Variants in L3MBTL1 observed in about 807,000 individuals in gnomAD.
The protein encoded by L3MBTL1 is lethal(3)malignant brain tumor-like protein 1.
L3MBTL1 carries 75 observed loss-of-function variants against 105.3 expected under a neutral mutation model. The observed-to-expected ratio is 0.71, with a 90% CI of 0.59 to 0.86. The LOEUF (loss-of-function observed/expected upper bound fraction) is 0.86, where lower values mean the gene tolerates loss of function less well. Ranked by LOEUF, L3MBTL1 falls within the 40% of genes least tolerant of loss-of-function variation. The pLI is 0.00. For missense variants in L3MBTL1, 1,069 were observed against 1,126.4 expected (o/e 0.95, Z 0.73); for synonymous variants, 452 against 436.2 (o/e 1.04, Z -0.45).
intron 7 of L3MBTL1, 120 bp downstream of exon 7, chr20:43,516,297 G>T: frequency 1.4e-6 from 1 of 721,884 alleles, no homozygotes; most frequent in South Asian, 1.6e-5. Flanking sequence ...ATGAGCATGA[G>T]TTAGTGTGTG....
chr20:43,540,984 T>G lies in L3MBTL1; in HGVS notation c.2445T>G (p.Thr815=), dbSNP rs369320913. 1.4e-5 allele frequency: 23 copies of G among 1,614,062 alleles called. No individual in the cohort carries two copies. The Middle Eastern group carries it at 6.6e-4, about 46-fold the overall frequency. The part of the protein sequence containing the change: ...THVSGKTLVW[T]VAQLGDLVCS... ...TATCTGGGAAGACTCTAGTCTGGAC[T>G]GTGGCCCAGCTTGGGGACCTTGTGT... The change falls in exon 22 of 22, where the codon ACT becomes ACG. Residue 815 remains threonine (T), a synonymous_variant. Transcript: ENST00000418998.
chr20:43,528,534 G>A lies in L3MBTL1; in HGVS notation c.863-123G>A, dbSNP rs2019150838. 3 of 709,458 alleles carry A rather than the reference G, an allele frequency of 4.2e-6. No homozygotes were observed. In the Admixed American group the frequency reaches 6.2e-5, roughly 15 times the overall value. 43.9% of individuals were successfully genotyped at this position (709,458 alleles called of 1,614,324 possible). ...CCATCATGGTGGGTGGGACCAGAGGGTACATGTGAACACAGACAAAGATTT... is the reference window on the plus strand; with the variant it reads ...CCATCATGGTGGGTGGGACCAGAGGATACATGTGAACACAGACAAAGATTT... On this transcript the variant is annotated intron_variant, in intron 7 of 21. Transcript: ENST00000418998.
chr20:43,549,748 G>C (rs1394574143), exon 19 of L3MBTL1: 1 of 152,374 alleles, frequency 6.6e-6, no homozygotes, highest in East Asian at 1.9e-4. Context: ...GTGTGTGTGT[G>C]TGTGTGGCAC....
intron 7 of L3MBTL1, among the ~76,000 whole-genome samples, chr20:43,526,524 T>C (rs572212034): frequency 1.3e-5 from 2 of 152,304 alleles, no homozygotes; most frequent in South Asian, 2.1e-4. Flanking sequence ...GAGCTCTAGA[T>C]TGGTTTCCGC....
intron 7 of L3MBTL1, among the ~76,000 whole-genome samples, chr20:43,517,697 C>G (rs1337398834): frequency 2.0e-5 from 3 of 152,234 alleles, no homozygotes; most frequent in Middle Eastern, 3.2e-3. Flanking sequence ...GATGGTTTCT[C>G]TTGGACTATG....
At chr20:43,514,960 G>A (rs576933809) in intron 4 of L3MBTL1, 49 bp from the exon 5 acceptor site, 8 of 1,597,802 alleles carry the variant, frequency 5.0e-6, no homozygotes, top group South Asian at 4.5e-5. Flanking sequence ...CGGAGCCTGA[G>A]TGTGGCTGCG....
chr20:43,534,775 C>A, intron 15 of L3MBTL1, 53 bp from the exon 16 acceptor site: 1 of 1,358,950 alleles, frequency 7.4e-7, no homozygotes, highest in Non-Finnish European at 1.0e-6. Flanking sequence ...GACCTTCTGG[C>A]TGAGCTGGGC....
chr20:43,540,116 T>C (rs375203951), intron 19 of L3MBTL1, 35 bp from the exon 20 acceptor site: 269 of 1,606,230 alleles, frequency 1.7e-4, no homozygotes, highest in Non-Finnish European at 2.2e-4. Flanking sequence ...TTAGTCATCC[T>C]CGTTGGCCTG....
intron 11 of L3MBTL1, chr20:43,532,557 T>C (rs931193008): frequency 2.9e-5 from 15 of 523,110 alleles, no homozygotes; most frequent in Non-Finnish European, 3.4e-5. Flanking sequence ...GCCAGGCCTC[T>C]GAGTGCACCT....
rs190929877 is a variant in L3MBTL1 at position 43,538,594 on chromosome 20, C to T, written c.2174-1557C>T. Among the ~76,000 whole-genome samples, 455 of 152,232 alleles carry T rather than the reference C, an allele frequency of 3.0e-3. 2 individuals are homozygous for T. Among genetic ancestry groups the T allele is most frequent in the Non-Finnish European group, 5.4e-3 (367 of 68,006 alleles). ...GTGAACAATTCCATAGGAAGATCTGCCCGGAGAGGACAGGGCTTGGCTGGG... is the reference window on the plus strand; with the variant it reads ...GTGAACAATTCCATAGGAAGATCTGTCCGGAGAGGACAGGGCTTGGCTGGG... On this transcript the variant is annotated intron_variant, in intron 19 of 21. Coordinates refer to ENST00000418998, the MANE Select transcript of L3MBTL1 (RefSeq NM_001377303.1).
downstream of L3MBTL1, among the ~76,000 whole-genome samples, chr20:43,542,371 C>T (rs1005556822): frequency 1.3e-4 from 20 of 152,304 alleles, no homozygotes; most frequent in Admixed American, 8.5e-4. Context: ...GTGATCTTCT[C>T]TTCATGTACG....
intron 1 of L3MBTL1, among the ~76,000 whole-genome samples, chr20:43,512,120 T>C (rs1429290224): frequency 2.0e-5 from 3 of 152,148 alleles, no homozygotes; most frequent in African/African-American, 7.2e-5. Flanking sequence ...TTATGTGATT[T>C]GGTTTATGTT....
At chr20:43,538,736 G>A (rs534146678) in intron 19 of L3MBTL1, among the ~76,000 whole-genome samples, 2 of 152,212 alleles carry the variant, frequency 1.3e-5, no homozygotes, top group Non-Finnish European at 2.9e-5. Context: ...AGCACTCCTG[G>A]CCTGTGCTCT....
At chr20:43,524,024 A>G (rs1435051403) in intron 7 of L3MBTL1, among the ~76,000 whole-genome samples, 1 of 150,822 alleles carries the variant, frequency 6.6e-6, no homozygotes, top group African/African-American at 2.4e-5. Flanking sequence ...ACAGGATGTC[A>G]CTATGTTGGC....
chr20:43,530,554 G>A (rs73117941), intron 10 of L3MBTL1, 135 bp downstream of exon 10: 48 of 1,031,194 alleles, frequency 4.7e-5, no homozygotes, highest in South Asian at 4.2e-4. Context: ...TCTCTTCATC[G>A]CATCCTGATG....
chr20:43,534,686 G>A, intron 15 of L3MBTL1, 142 bp from the exon 16 acceptor site: 1 of 640,452 alleles, frequency 1.6e-6, no homozygotes, highest in Non-Finnish European at 2.7e-6. Context: ...TGGTGGCCAA[G>A]ACAGATTATT....
At chr20:43,542,613 A>C (rs1472126777), downstream of L3MBTL1, among the ~76,000 whole-genome samples, 10 of 10,802 alleles carry the variant, frequency 9.3e-4, no homozygotes, top group African/African-American at 1.7e-3. Flanking sequence ...AAATTTAACA[A>C]AAAAAAAAAA....
downstream of L3MBTL1, among the ~76,000 whole-genome samples, chr20:43,543,041 C>G (rs910026767): frequency 1.3e-5 from 2 of 151,980 alleles, no homozygotes; most frequent in Non-Finnish European, 2.9e-5. Context: ...TCATAAAAGC[C>G]CCCAGGTGGT....
rs760801488 is a variant in L3MBTL1, at chr20:43,540,941, TAGTC to T, written c.2405_2408del (p.Val802GlufsTer2). On this transcript the variant is annotated frameshift_variant, in exon 22 of 22. Coordinates refer to ENST00000418998, the MANE Select transcript of L3MBTL1 (RefSeq NM_001377303.1). LOFTEE classifies it low-confidence loss of function (END_TRUNC). ...CCCGTGTTGCCCCACCAGGCAAGAA[TAGTC>T]AGAGTGACCCATGTATCTGGGAAGA... 10 of 1,613,966 alleles carry T rather than the reference TAGTC, an allele frequency of 6.2e-6. No homozygotes were observed. The Admixed American group carries it at 1.7e-4, about 27-fold the overall frequency.
Sources: gnomAD v4.1 joint callset for allele counts (sites outside exome capture counted in the v4.1 genomes callset) on GRCh38, gnomAD v4.1.1 for gene constraint, MANE v1.5 for transcripts, NCBI Gene and HGNC (gene_info 2026-07-23, HGNC 2026-07-21) for gene names.